Variants in ABI3BP observed in about 807,000 individuals in gnomAD.
ABI3BP encodes target of Nesh-SH3.
ABI3BP carries 216 observed loss-of-function variants against 268.6 expected under a neutral mutation model. The ratio of observed to expected loss-of-function variants is 0.80; its 90% CI spans 0.72 to 0.90. The LOEUF is 0.90. ABI3BP is among the 40% of genes least tolerant of loss of function. ABI3BP has a pLI of 0.00. For missense variants in ABI3BP, 2,090 were observed against 2,182.4 expected (o/e 0.96, Z 0.84); for synonymous variants, 730 against 730.0 (o/e 1.00, Z 0.00).
intron 1 of ABI3BP, among the ~76,000 whole-genome samples, chr3:100,964,946 T>C (rs751224647): frequency 6.6e-6 from 1 of 152,218 alleles, no homozygotes; most frequent in African/African-American, 2.4e-5. Flanking sequence ...TAGTTCCTAT[T>C]AAAGTGTAAA....
intron 64 of ABI3BP, 85 bp downstream of exon 64, chr3:100,754,520 TGTAGTGG>T (rs1241855467): frequency 8.1e-7 from 1 of 1,230,262 alleles, no homozygotes; most frequent in African/African-American, 1.5e-5. Context: ...AAACAGTACA[TGTAGTGG>T]GTTTCAAACA....
intron 51 of ABI3BP, among the ~76,000 whole-genome samples, chr3:100,799,580 CT>C (rs1359835163): frequency 3.3e-5 from 5 of 152,132 alleles, no homozygotes; most frequent in Non-Finnish European, 5.9e-5. Flanking sequence ...CTTCTGACCC[CT>C]CTCCATCTCA....
In ABI3BP at chr3:100,870,231, C is replaced by A. The variant is rs952012962; in HGVS notation, c.911-3275G>T. ...GGAAGCAATAAACAAAATGAAAAGG[C>A]AGCCTATGCATTGAGAGAAAATATT... On this transcript the variant is annotated intron_variant, in intron 9 of 67. Transcript: ENST00000471714. Among the ~76,000 whole-genome samples, 28 of 152,128 alleles carry A rather than the reference C, an allele frequency of 1.8e-4. 1 individual carries two copies. Among genetic ancestry groups the A allele is most frequent in the Admixed American group, 9.8e-4 (15 of 15,270 alleles).
intron 1 of ABI3BP, among the ~76,000 whole-genome samples, chr3:100,992,536 T>C (rs2093109628): frequency 6.6e-6 from 1 of 152,200 alleles, no homozygotes; most frequent in South Asian, 2.1e-4. Context: ...TAGAGTTGGC[T>C]TAGAGAAGTG....
intron 9 of ABI3BP, among the ~76,000 whole-genome samples, chr3:100,873,177 T>G (rs966086742): frequency 6.6e-6 from 1 of 152,142 alleles, no homozygotes; most frequent in Non-Finnish European, 1.5e-5. Context: ...AAAAGTTAAC[T>G]TAAACTTTCA....
At chr3:100,983,206 T>C (rs566708253) in intron 1 of ABI3BP, among the ~76,000 whole-genome samples, 71 of 152,326 alleles carry the variant, frequency 4.7e-4, no homozygotes, top group African/African-American at 1.7e-3. Context: ...CAAGGTTTCA[T>C]TCACCACTAC....
intron 34 of ABI3BP, among the ~76,000 whole-genome samples, chr3:100,826,730 A>G (rs570968180): frequency 2.0e-5 from 3 of 152,256 alleles, no homozygotes; most frequent in Admixed American, 6.5e-5. Context: ...TGTCCAAACA[A>G]AAGCACTCAA....
At position 100,822,653 on chromosome 3, in the gene ABI3BP, C is replaced by T. The variant is rs1479633512; in HGVS notation, c.2823G>A (p.Arg941=). 6.5e-7 allele frequency: 1 copy of T among 1,536,464 alleles called. No homozygotes were observed. Among genetic ancestry groups the T allele is most frequent in the South Asian group, 1.2e-5 (1 of 84,054 alleles). The change falls in exon 38 of 68, where the codon CGG becomes CGA. Residue 941 remains arginine (R), a synonymous_variant. Transcript: ENST00000471714. ...TTGTTCTGAGACGTGGACGACGTGT[C>T]CGTTGTGATGTTTTGGAAGCTGAAG... is the stretch of plus-strand genomic sequence containing the variant. The part of the protein sequence containing the change: ...STTLASKTSQ[R]TRRPRLRTKT...
Position 100,760,892 on chromosome 3 carries a change from TA to T in ABI3BP, c.4850+4948del, listed in dbSNP as rs1553747704. ...TGTATGGCAGAGAGGGTTTTTTTTT[TA>T]AATTTTCATTTTAGGGGTACATGTG... On this transcript the variant is annotated intron_variant, in intron 63 of 67. Coordinates refer to ENST00000471714, the MANE Select transcript of ABI3BP (RefSeq NM_001375547.2). Among the ~76,000 whole-genome samples, 535 of 151,866 alleles carry T rather than the reference TA, an allele frequency of 3.5e-3. 5 individuals carry two copies. The highest frequency in any genetic ancestry group is 5.1e-3 in the Non-Finnish European group (345 of 67,928).
At chr3:100,897,065 C>G (rs2048033001) in intron 4 of ABI3BP, among the ~76,000 whole-genome samples, 1 of 140,156 alleles carries the variant, frequency 7.1e-6, no homozygotes, top group South Asian at 2.5e-4. Context: ...TAAAACACTA[C>G]AAAAAACATA....
intron 56 of ABI3BP, among the ~76,000 whole-genome samples, chr3:100,788,005 G>A (rs1392422368): frequency 6.6e-6 from 1 of 152,158 alleles, no homozygotes; most frequent in African/African-American, 2.4e-5. Flanking sequence ...TTTGTATTCT[G>A]AGGTGATCAC....
intron 2 of ABI3BP, among the ~76,000 whole-genome samples, chr3:100,923,915 C>T (rs529519451): frequency 3.9e-5 from 6 of 152,254 alleles, no homozygotes; most frequent in African/African-American, 1.4e-4. Context: ...CACCTAAACA[C>T]ATCAGTCTTA....
At chr3:100,811,312 T>C (rs1359622990) in intron 47 of ABI3BP, 35 bp from the exon 48 acceptor site, 7 of 1,461,130 alleles carry the variant, frequency 4.8e-6, no homozygotes. Flanking sequence ...TTTTAGAAAC[T>C]GTAAGATATT....
intron 59 of ABI3BP, among the ~76,000 whole-genome samples, chr3:100,775,823 A>G (rs2096684767): frequency 6.6e-6 from 1 of 152,196 alleles, no homozygotes; most frequent in Non-Finnish European, 1.5e-5. Flanking sequence ...AGATCATGAA[A>G]GAAGTTGAAT....
chr3:100,750,178 T>C lies in ABI3BP; in HGVS notation c.*317A>G. 3 of 228,018 alleles carry C rather than the reference T, an allele frequency of 1.3e-5. No homozygotes were observed. The highest frequency in any genetic ancestry group is 2.5e-5 in the Non-Finnish European group (3 of 118,914). 14.1% of individuals were successfully genotyped at this position (228,018 alleles called of 1,614,324 possible). On this transcript the variant is annotated 3_prime_UTR_variant, in exon 68 of 68. Coordinates refer to ENST00000471714, the MANE Select transcript of ABI3BP (RefSeq NM_001375547.2). ...TACCTTTTTGATGTTAATTTTGTTA[T>C]AAAAGTATCTCAAAACATCATTACA...
rs141464225 is a variant in ABI3BP at position 100,830,888 on chromosome 3, A to T, written c.2402-254T>A. Among the ~76,000 whole-genome samples the T allele has an allele frequency of 2.9e-3, 437 of 152,264 alleles. 1 individual carries two copies. Among genetic ancestry groups the T allele is most frequent in the Non-Finnish European group, 4.9e-3 (334 of 68,012 alleles). On this transcript the variant is annotated intron_variant, in intron 31 of 67. Transcript: ENST00000471714. ...GCATCTCACTGAGGTCAATAGTAAG[A>T]TCTTCTTGTTGGTTAACCATGATTC...
rs942292738 is a variant in ABI3BP, at chr3:100,824,913, A to G, written c.2691T>C (p.Pro897=). Residue 897 remains proline (P), a synonymous_variant, in exon 36 of 68, where the codon CCT becomes CCC. Coordinates refer to ENST00000471714, the MANE Select transcript of ABI3BP (RefSeq NM_001375547.2). The part of the protein sequence containing the change: ...LATKTSKRTR[P]PRPRPKTTPS... ...GTGTAGTTTTAGGTCTGGGACGTGGAGGGCGGGTTCTTTTTGATGTTTTGG... is the reference window on the plus strand; with the variant it reads ...GTGTAGTTTTAGGTCTGGGACGTGGGGGGCGGGTTCTTTTTGATGTTTTGG... The G allele has an allele frequency of 7.2e-6, 11 of 1,535,776 alleles. No homozygotes were observed. In the African/African-American group the frequency reaches 1.4e-4, roughly 19 times the overall value.
chr3:100,850,220 A>C, intron 16 of ABI3BP, 101 bp from the exon 17 acceptor site: 1 of 983,678 alleles, frequency 1.0e-6, no homozygotes, highest in Non-Finnish European at 1.5e-6. Context: ...ACATGCCACG[A>C]GTACATGATT....
At chr3:100,831,830 T>C (rs1285836942) in intron 31 of ABI3BP, among the ~76,000 whole-genome samples, 1 of 152,218 alleles carries the variant, frequency 6.6e-6, no homozygotes, top group Non-Finnish European at 1.5e-5. Context: ...TATATTTGCA[T>C]AAACATGCTG....
Sources: gnomAD v4.1 joint callset for allele counts (sites outside exome capture counted in the v4.1 genomes callset) on GRCh38, gnomAD v4.1.1 for gene constraint, MANE v1.5 for transcripts, NCBI Gene and HGNC (gene_info 2026-07-23, HGNC 2026-07-21) for gene names.